RIT2: variants seen among roughly 807,000 people sequenced by gnomAD.
RIT2 encodes the protein Ras like without CAAX 2.
Under a neutral mutation model 23.7 loss-of-function variants are expected in RIT2, and 24 were observed. The ratio of observed to expected loss-of-function variants is 1.01; its 90% CI spans 0.73 to 1.43. The LOEUF (loss-of-function observed/expected upper bound fraction) is 1.43. RIT2 is among the 40% of genes most tolerant of loss of function. RIT2 has a pLI of 0.00. For synonymous variants in RIT2, 107 were observed against 91.1 expected (o/e 1.17, Z -0.99); for missense variants, 236 against 266.9 (o/e 0.88, Z 0.81).
intron 4 of RIT2, among the ~76,000 whole-genome samples, chr18:42,822,525 A>G (rs1030847024): frequency 2.6e-5 from 4 of 152,122 alleles, no homozygotes; most frequent in Non-Finnish European, 4.4e-5. Flanking sequence ...ATTGTTGTAC[A>G]ATATTAATAG....
chr18:42,828,290 T>C (rs1906360805), intron 4 of RIT2, among the ~76,000 whole-genome samples: 1 of 152,198 alleles, frequency 6.6e-6, no homozygotes, highest in African/African-American at 2.4e-5. Flanking sequence ...AACACTTACA[T>C]TGATCATTAA....
chr18:43,026,111 T>C (rs1027099522), intron 2 of RIT2, among the ~76,000 whole-genome samples: 6 of 151,994 alleles, frequency 3.9e-5, no homozygotes, highest in Non-Finnish European at 5.9e-5. Context: ...ATGGTAGCAG[T>C]AGAGGTAGTG....
intron 4 of RIT2, among the ~76,000 whole-genome samples, chr18:42,761,836 C>T (rs1913310858): frequency 6.6e-6 from 1 of 152,278 alleles, no homozygotes; most frequent in South Asian, 2.1e-4. Flanking sequence ...CACCTTCTTG[C>T]CCAGCTATGA....
At chr18:42,945,200 TATAAG>T (rs1301245048) in intron 3 of RIT2, among the ~76,000 whole-genome samples, 10 of 152,258 alleles carry the variant, frequency 6.6e-5, no homozygotes, top group Admixed American at 2.6e-4. Context: ...GCTTGTACTT[TATAAG>T]ATATTTTACA....
At chr18:43,039,167 A>C (rs1912064946) in intron 1 of RIT2, among the ~76,000 whole-genome samples, 1 of 152,102 alleles carries the variant, frequency 6.6e-6, no homozygotes, top group Non-Finnish European at 1.5e-5. Context: ...ACTAATTTTC[A>C]GTATTTTGGC....
chr18:42,796,131 C>T (rs1333170541), intron 4 of RIT2, among the ~76,000 whole-genome samples: 1 of 152,168 alleles, frequency 6.6e-6, no homozygotes, highest in African/African-American at 2.4e-5. Context: ...AATCTTGCTA[C>T]TGCTCACTCT....
intron 4 of RIT2, among the ~76,000 whole-genome samples, chr18:42,818,740 A>T (rs183472538): frequency 1.3e-5 from 2 of 152,068 alleles, no homozygotes; most frequent in African/African-American, 4.8e-5. Context: ...GTAAGTAGAA[A>T]TGGGTAAATT....
intron 2 of RIT2, among the ~76,000 whole-genome samples, chr18:42,992,653 C>T (rs1029107653): frequency 4.6e-5 from 7 of 152,136 alleles, no homozygotes; most frequent in African/African-American, 1.2e-4. Flanking sequence ...AGTTTCATTC[C>T]GCAACTAGCT....
intron 1 of RIT2, among the ~76,000 whole-genome samples, chr18:43,039,860 C>A (rs1357345431): frequency 6.6e-6 from 1 of 152,124 alleles, no homozygotes; most frequent in Non-Finnish European, 1.5e-5. Context: ...AAGTATAGAT[C>A]TTCAAAACTT....
At chr18:42,769,087 A>G (rs575009000) in intron 4 of RIT2, among the ~76,000 whole-genome samples, 1 of 152,250 alleles carries the variant, frequency 6.6e-6, no homozygotes, top group South Asian at 2.1e-4. Flanking sequence ...ATTCTTGGGA[A>G]ATCATCATGT....
intron 4 of RIT2, among the ~76,000 whole-genome samples, chr18:42,856,827 C>CTTTTTTTTTTTTT (rs756725926): frequency 3.5e-5 from 4 of 114,616 alleles, no homozygotes; most frequent in African/African-American, 1.5e-4. Context: ...CTCTCTCTCT[C>CTTTTTTTTTTTTT]TTTTTTTTTT....
chr18:42,839,001 T>C (rs1906692947), intron 4 of RIT2, among the ~76,000 whole-genome samples: 1 of 152,104 alleles, frequency 6.6e-6, no homozygotes, highest in Admixed American at 6.6e-5. Flanking sequence ...GTCCTGGCAA[T>C]AGGCATCACA....
chr18:42,951,699 A>G (rs1312120172), intron 3 of RIT2, among the ~76,000 whole-genome samples: 1 of 152,108 alleles, frequency 6.6e-6, no homozygotes, highest in African/African-American at 2.4e-5. Flanking sequence ...TTGCACTCCC[A>G]TATTCATTGC....
intron 4 of RIT2, among the ~76,000 whole-genome samples, chr18:42,873,942 C>A (rs1219695539): frequency 6.6e-6 from 1 of 152,082 alleles, no homozygotes; most frequent in Admixed American, 6.6e-5. Flanking sequence ...TGGGGGAACA[C>A]AACATCACTT....
intron 1 of RIT2, 51 bp from the exon 2 acceptor site, chr18:43,033,918 A>G: frequency 7.8e-7 from 1 of 1,280,252 alleles, no homozygotes; most frequent in Admixed American, 1.7e-5. Context: ...TAATTCATCA[A>G]TAAGTTATTT....
At chr18:42,978,645 C>T (rs994050617) in intron 2 of RIT2, among the ~76,000 whole-genome samples, 9 of 152,058 alleles carry the variant, frequency 5.9e-5, no homozygotes, top group African/African-American at 1.7e-4. Context: ...GTATCATTTG[C>T]GCAGAAAAGC....
intron 4 of RIT2, among the ~76,000 whole-genome samples, chr18:42,830,150 C>G (rs1207597206): frequency 6.6e-6 from 1 of 152,118 alleles, no homozygotes; most frequent in Non-Finnish European, 1.5e-5. Flanking sequence ...ATTTAGAGAC[C>G]ATAACTAGCC....
intron 3 of RIT2, among the ~76,000 whole-genome samples, chr18:42,969,423 A>T (rs755063055): frequency 1.1e-4 from 17 of 152,280 alleles, no homozygotes; most frequent in African/African-American, 1.9e-4. Context: ...AGCTCGTAGT[A>T]ATTCAGAAAT....
chr18:42,963,058 G>A (rs868842555), intron 3 of RIT2, among the ~76,000 whole-genome samples: 7 of 152,078 alleles, frequency 4.6e-5, no homozygotes, highest in Non-Finnish European at 7.4e-5. Context: ...AATAATCCAC[G>A]TTCCTTGAAT....
Sources: allele counts gnomAD v4.1 joint callset (sites outside exome capture counted in the v4.1 genomes callset), GRCh38; gene constraint gnomAD v4.1.1; transcripts MANE v1.5; gene names NCBI Gene and HGNC (gene_info 2026-07-23, HGNC 2026-07-21).